Variants in ESRRG observed in about 807,000 individuals in gnomAD.
The protein encoded by ESRRG is estrogen related receptor gamma, also known as estrogen-related receptor gamma.
A neutral mutation model predicts 44.0 loss-of-function variants in ESRRG; 13 were observed. That is an observed-to-expected ratio of 0.30 (90% confidence interval 0.19 to 0.47). ESRRG has a LOEUF of 0.47. ESRRG is among the 20% of genes least tolerant of loss of function. The probability of loss-of-function intolerance (pLI) is 1.00; values close to 1 mark genes in which losing one functional copy is unlikely to be tolerated. For missense variants in ESRRG, 395 were observed against 580.6 expected (o/e 0.68, Z 3.29); for synonymous variants, 215 against 214.6 (o/e 1.00, Z -0.02).
intron 1 of ESRRG, chr1:216,959,418 A>T (rs753675325): frequency 2.6e-5 from 4 of 152,132 alleles, no homozygotes; most frequent in Non-Finnish European, 5.9e-5. Flanking sequence ...GAGGCCAGGA[A>T]TGTTCACTCG....
chr1:216,607,748 A>G (rs923649922), intron 3 of ESRRG, among the ~76,000 whole-genome samples: 2 of 152,228 alleles, frequency 1.3e-5, no homozygotes, highest in African/African-American at 4.8e-5. Context: ...AATAGAAAGG[A>G]AACATGTGAC....
intron 2 of ESRRG, among the ~76,000 whole-genome samples, chr1:216,740,748 A>C (rs1031746566): frequency 6.6e-6 from 1 of 152,082 alleles, no homozygotes; most frequent in Non-Finnish European, 1.5e-5. Flanking sequence ...GGAACTAAAA[A>C]ATTATCAAGA....
rs188395530 is a variant in ESRRG, at chr1:216,832,923, C to T, written c.-14+106659G>A. Among the ~76,000 whole-genome samples, 266 of 151,480 alleles carry T rather than the reference C, an allele frequency of 1.8e-3. 2 individuals are homozygous for T. Among genetic ancestry groups the T allele is most frequent in the African/African-American group, 6.3e-3 (258 of 41,166 alleles). On this transcript the variant is annotated intron_variant, in intron 2 of 7. Coordinates refer to the ESRRG transcript ENST00000359162. ...CCCAGAGGCAGAGGTTGCAGTGAGC[C>T]GAGATTGCGCCACCACACTCCAGCC...
intron 1 of ESRRG, among the ~76,000 whole-genome samples, chr1:217,022,058 G>A (rs567515629): frequency 2.0e-5 from 3 of 152,258 alleles, no homozygotes; most frequent in African/African-American, 7.2e-5. Context: ...TGGTGTGCTC[G>A]GTCTCATCCA....
chr1:216,680,072 ACAT>A (rs1289322596), intron 1 of ESRRG, among the ~76,000 whole-genome samples: 2 of 152,210 alleles, frequency 1.3e-5, no homozygotes, highest in East Asian at 3.8e-4. Flanking sequence ...CTGGAGCCAT[ACAT>A]GAAAGTGAAC....
At chr1:216,615,219 C>T (rs1423573095) in intron 3 of ESRRG, among the ~76,000 whole-genome samples, 1 of 152,094 alleles carries the variant, frequency 6.6e-6, no homozygotes, top group Non-Finnish European at 1.5e-5. Context: ...TTTTGTTGAC[C>T]ACAAACCTTT....
intron 1 of ESRRG, among the ~76,000 whole-genome samples, chr1:217,081,408 G>C (rs2151513779): frequency 6.6e-6 from 1 of 151,578 alleles, no homozygotes; most frequent in South Asian, 2.1e-4. Flanking sequence ...TGTATTTTTA[G>C]TAGAGATGGG....
intron 5 of ESRRG, among the ~76,000 whole-genome samples, chr1:216,541,952 T>C (rs1306054512): frequency 6.6e-6 from 1 of 151,898 alleles, no homozygotes; most frequent in Non-Finnish European, 1.5e-5. Context: ...ATTCTGGCCA[T>C]ACTTCGGGAG....
chr1:216,960,744 C>T (rs1578712259), intron 1 of ESRRG, among the ~76,000 whole-genome samples: 1 of 152,148 alleles, frequency 6.6e-6, no homozygotes, highest in African/African-American at 2.4e-5. Flanking sequence ...TGCCACCATG[C>T]CTGGCTAATT....
chr1:216,982,140 T>A (rs1392877288), intron 1 of ESRRG, among the ~76,000 whole-genome samples: 3 of 152,164 alleles, frequency 2.0e-5, no homozygotes, highest in Non-Finnish European at 4.4e-5. Flanking sequence ...GATTTTTAAA[T>A]GGAAAAATTT....
intron 3 of ESRRG, among the ~76,000 whole-genome samples, chr1:216,590,788 A>G (rs909672874): frequency 3.3e-5 from 5 of 152,188 alleles, no homozygotes; most frequent in African/African-American, 1.2e-4. Flanking sequence ...AAGCCACAAG[A>G]CAGTATCTCA....
At position 217,106,401 on chromosome 1, in the gene ESRRG, C is replaced by T. The variant is rs866961069; in HGVS notation, c.-230+31266G>A. ...TCACACACTCACATATGCACACACA[C>T]ACACACACACACACACACGACCTGG... On this transcript the variant is annotated intron_variant, in intron 1 of 8. Coordinates refer to the ESRRG transcript ENST00000366940. 3.1e-3 allele frequency among the ~76,000 whole-genome samples: 450 copies of T among 146,334 alleles called. 2 individuals carry two copies. Among genetic ancestry groups the T allele is most frequent in the African/African-American group, 0.012 (432 of 36,072 alleles).
intron 5 of ESRRG, among the ~76,000 whole-genome samples, chr1:216,521,007 T>C (rs2045939221): frequency 6.6e-6 from 1 of 152,174 alleles, no homozygotes; most frequent in Non-Finnish European, 1.5e-5. Flanking sequence ...TAATTATAAG[T>C]GCTTAATAAA....
chr1:216,997,390 G>A (rs71643434), intron 1 of ESRRG, among the ~76,000 whole-genome samples: 1 of 152,214 alleles, frequency 6.6e-6, no homozygotes, highest in East Asian at 1.9e-4. Context: ...AGCCTGGCAT[G>A]CAGTGAAACA....
At chr1:217,081,189 A>G (rs891035176) in intron 1 of ESRRG, among the ~76,000 whole-genome samples, 1 of 133,934 alleles carries the variant, frequency 7.5e-6, no homozygotes, top group Admixed American at 7.4e-5. Flanking sequence ...GGTTGATTAG[A>G]TATTTATCAG....
In ESRRG at chr1:216,748,742, C is replaced by T. The variant is rs542994326; in HGVS notation, c.-13-71251G>A. On this transcript the variant is annotated intron_variant, in intron 2 of 7. Transcript: ENST00000359162. ...TGTCAGGCCAGCCAACTTTTTCAAACTCACTTAAATCAAGTGCTGTTATTG... is the reference window on the plus strand; with the variant it reads ...TGTCAGGCCAGCCAACTTTTTCAAATTCACTTAAATCAAGTGCTGTTATTG... Among the ~76,000 whole-genome samples the T allele has an allele frequency of 2.6e-5, 4 of 152,290 alleles. No individual in the cohort carries two copies. The East Asian group carries it at 5.8e-4, about 22-fold the overall frequency.
chr1:216,674,099 T>TCA (rs1331009124), intron 2 of ESRRG, among the ~76,000 whole-genome samples: 1 of 152,208 alleles, frequency 6.6e-6, no homozygotes. Flanking sequence ...ATCAAATTAA[T>TCA]AACAGTTTGA....
At chr1:216,906,854 T>C (rs2059737044) in intron 2 of ESRRG, among the ~76,000 whole-genome samples, 1 of 152,188 alleles carries the variant, frequency 6.6e-6, no homozygotes, top group Non-Finnish European at 1.5e-5. Context: ...CATTTAGAGA[T>C]AAAGATCATG....
At chr1:216,778,637 C>A (rs1311375038) in intron 2 of ESRRG, among the ~76,000 whole-genome samples, 2 of 151,844 alleles carry the variant, frequency 1.3e-5, no homozygotes, top group Admixed American at 6.6e-5. Flanking sequence ...AGTCAACAGG[C>A]CCCAACAGAC....
Sources: gnomAD v4.1 joint callset for allele counts (sites outside exome capture counted in the v4.1 genomes callset) on GRCh38, gnomAD v4.1.1 for gene constraint, MANE v1.5 for transcripts, NCBI Gene and HGNC (gene_info 2026-07-23, HGNC 2026-07-21) for gene names.